Variants in ZNF157 observed in about 807,000 individuals in gnomAD.
ZNF157 encodes the protein zinc finger protein 22.
Under a neutral mutation model 9.4 loss-of-function variants are expected in ZNF157, and 8 were observed. That is an observed-to-expected ratio of 0.85 (90% CI 0.50 to 1.53). The LOEUF (loss-of-function observed/expected upper bound fraction) is 1.53, where lower values mean the gene tolerates loss of function less well. Among genes scored for constraint, ZNF157 ranks in the 40% most tolerant of loss-of-function variants. The probability of loss-of-function intolerance (pLI) is 0.00; values close to 1 mark genes in which losing one functional copy is unlikely to be tolerated. For missense variants in ZNF157, 316 were observed against 385.2 expected, an observed-to-expected ratio of 0.82 and a Z score of 1.50; for synonymous variants, 120 against 130.8, an observed-to-expected ratio of 0.92 and a Z score of 0.56.
At chrX:47,376,280 G>A (rs1267513212) in intron 1 of ZNF157, among the ~76,000 whole-genome samples, 1 of 112,070 alleles carries the variant, frequency 8.9e-6, no homozygotes, top group African/African-American at 3.2e-5. Context: ...AAATAACTAG[G>A]AGCATAATTG....
At chrX:47,410,466 G>A (rs370578074) in intron 2 of ZNF157, 64 bp downstream of exon 2, 1 of 1,165,466 alleles carries the variant, frequency 8.6e-7, no homozygotes, top group South Asian at 1.9e-5. Context: ...GCTGTAACAT[G>A]TGCAGCCTTG....
Position 47,375,580 on chromosome X carries a change from C to T in ZNF157, c.72+4840C>T, listed in dbSNP as rs148319272. ...CAAATAGATCATGACATATATCCAC[C>T]AGTGCAGCTTCATACAGTTTCATTC... On this transcript the variant is annotated intron_variant, in intron 1 of 3. Transcript: ENST00000377073. Among the ~76,000 whole-genome samples the T allele has an allele frequency of 2.2e-3, 246 of 111,628 alleles. 2 individuals carry two copies. The highest frequency in any genetic ancestry group is 6.1e-3 in the African/African-American group (189 of 30,841).
intron 3 of ZNF157, 142 bp downstream of exon 3, chrX:47,410,917 T>C: frequency 8.7e-6 from 4 of 458,128 alleles, no homozygotes; most frequent in Non-Finnish European, 1.5e-5. Flanking sequence ...GGACGGAAGG[T>C]CTACATGCTT....
chrX:47,386,044 C>G (rs989481446), intron 1 of ZNF157, among the ~76,000 whole-genome samples: 5 of 111,140 alleles, frequency 4.5e-5, no homozygotes, highest in Non-Finnish European at 9.4e-5. Context: ...CCAGGAGATT[C>G]CTTCCTACCT....
chrX:47,389,188 A>AT (rs919679445), intron 1 of ZNF157, among the ~76,000 whole-genome samples: 1 of 110,341 alleles, frequency 9.1e-6, no homozygotes, highest in African/African-American at 3.3e-5. Flanking sequence ...ATTTGAAAAG[A>AT]TTTTTTCATT....
At chrX:47,410,934 C>T (rs746053590) in intron 3 of ZNF157, among the ~76,000 whole-genome samples, 159 bp downstream of exon 3, 1 of 111,321 alleles carries the variant, frequency 9.0e-6, no homozygotes, top group Admixed American at 9.6e-5. Flanking sequence ...GCTTCAGATA[C>T]CAAAGTCACA....
chrX:47,375,651 C>T (rs1425466337), intron 1 of ZNF157, among the ~76,000 whole-genome samples: 3 of 109,938 alleles, frequency 2.7e-5, no homozygotes, highest in African/African-American at 9.9e-5. Flanking sequence ...TCCCTCTGCC[C>T]GAACCTCTAT....
At chrX:47,375,303 T>C (rs66579365) in intron 1 of ZNF157, among the ~76,000 whole-genome samples, 39,420 of 108,341 alleles carry the variant, frequency 0.36, 5,567 homozygotes, top group African/African-American at 0.49. Flanking sequence ...GCATGAGCCA[T>C]GGTGCCTGGC....
chrX:47,385,544 CGTGTGTGTGTGT>C (rs10687283), intron 1 of ZNF157, among the ~76,000 whole-genome samples: 2 of 90,367 alleles, frequency 2.2e-5, no homozygotes, highest in East Asian at 3.7e-4. Context: ...TAAGCGATTC[CGTGTGTGTGTGT>C]GTGTGTGTGT....
intron 1 of ZNF157, among the ~76,000 whole-genome samples, chrX:47,405,119 G>A (rs183921407): frequency 2.7e-5 from 3 of 111,319 alleles, no homozygotes; most frequent in African/African-American, 9.8e-5. Context: ...CGGACGTGGT[G>A]GCTCACATCT....
At chrX:47,396,113 A>C (rs1290144175) in intron 1 of ZNF157, among the ~76,000 whole-genome samples, 4 of 111,444 alleles carry the variant, frequency 3.6e-5, no homozygotes, top group African/African-American at 1.3e-4. Flanking sequence ...AAAATAAGGA[A>C]GAAATACTCA....
chrX:47,398,307 AG>A (rs1472761964), intron 1 of ZNF157, among the ~76,000 whole-genome samples: 2 of 111,339 alleles, frequency 1.8e-5, no homozygotes, highest in Non-Finnish European at 3.8e-5. Context: ...GTCTTCAAAA[AG>A]CATGGTGAGG....
At chrX:47,411,255 C>G (rs1376097497) in intron 3 of ZNF157, among the ~76,000 whole-genome samples, 1 of 111,542 alleles carries the variant, frequency 9.0e-6, no homozygotes, top group African/African-American at 3.3e-5. Flanking sequence ...TCTCAAAGTG[C>G]TGGGATTACA....
At chrX:47,382,307 T>TTTTTTTTA (rs2055865998) in intron 1 of ZNF157, among the ~76,000 whole-genome samples, 1 of 97,371 alleles carries the variant, frequency 1.0e-5, no homozygotes, top group African/African-American at 3.9e-5. Context: ...TTTTTTTTTT[T>TTTTTTTTA]GAGACGCAGT....
intron 1 of ZNF157, among the ~76,000 whole-genome samples, chrX:47,403,737 G>A (rs1430077736): frequency 1.8e-5 from 2 of 112,147 alleles, no homozygotes; most frequent in African/African-American, 6.5e-5. Flanking sequence ...GCACTGAGAT[G>A]ATACAGAGTT....
chrX:47,390,746 GT>G, intron 1 of ZNF157: 1 of 113,989 alleles, frequency 8.8e-6, no homozygotes, highest in Non-Finnish European at 1.9e-5. Context: ...ATTTCTGCCT[GT>G]TTTTAGCAGA....
intron 1 of ZNF157, among the ~76,000 whole-genome samples, chrX:47,408,074 A>G (rs1009271569): frequency 1.8e-5 from 2 of 110,738 alleles, no homozygotes; most frequent in South Asian, 7.5e-4. Context: ...CTTCCAATCC[A>G]TGGCAGAAGG....
intron 3 of ZNF157, 69 bp downstream of exon 3, chrX:47,410,844 G>T: frequency 1.1e-6 from 1 of 881,552 alleles, no homozygotes; most frequent in Non-Finnish European, 1.6e-6. Flanking sequence ...TCAGGTCAAA[G>T]GGTATGCTTG....
chrX:47,396,454 G>A (rs1006653427), intron 1 of ZNF157, among the ~76,000 whole-genome samples: 2 of 110,709 alleles, frequency 1.8e-5, no homozygotes, highest in Admixed American at 9.8e-5. Flanking sequence ...CAGGAGAACC[G>A]CTTGAACCCA....
Sources: gnomAD v4.1 joint callset for allele counts (sites outside exome capture counted in the v4.1 genomes callset) on GRCh38, gnomAD v4.1.1 for gene constraint, MANE v1.5 for transcripts, NCBI Gene and HGNC (gene_info 2026-07-23, HGNC 2026-07-21) for gene names.